ASZ1: variants seen among roughly 807,000 people sequenced by gnomAD.
ASZ1 encodes ankyrin repeat, SAM and basic leucine zipper domain containing 1, also known as ankyrin repeat, SAM and basic leucine zipper domain-containing protein 1.
ASZ1 carries 67 observed loss-of-function variants against 61.8 expected under a neutral mutation model. That is an observed-to-expected ratio of 1.08 (90% CI 0.89 to 1.33). ASZ1 has a LOEUF of 1.33. Ranked by LOEUF, ASZ1 falls within the 40% of genes most tolerant of loss-of-function variation. The probability of loss-of-function intolerance (pLI) is 0.00; values close to 1 mark genes in which losing one functional copy is unlikely to be tolerated. For synonymous variants in ASZ1, 193 were observed against 192.7 expected (o/e 1.00, Z -0.01); for missense variants, 577 against 554.5 (o/e 1.04, Z -0.41).
chr7:117,400,722 AG>A (rs1333497612), intron 4 of ASZ1, among the ~76,000 whole-genome samples: 2 of 152,234 alleles, frequency 1.3e-5, no homozygotes, highest in Non-Finnish European at 2.9e-5. Flanking sequence ...AGCTAAAACT[AG>A]ATGCTAAGAG....
In ASZ1 at chr7:117,427,447, G is replaced by C. The variant is rs776130320; in HGVS notation, c.14C>G (p.Ala5Gly). MAAS[A>G]LRGLPVAGGG... ...GCCAGCCACTGGCAGGCCTCGCAGC[G>C]CGCTCGCCGCCATGCCAGCCAAGGA... The change falls in exon 1 of 13, where the codon GCG becomes GGG. Residue 5 changes from alanine (A) to glycine (G), a missense_variant. Physicochemically the swap from Ala to Gly is moderately conservative, Grantham distance 60. Transcript: ENST00000284629. 6.0e-5 allele frequency: 97 copies of C among 1,613,658 alleles called. 2 individuals carry two copies. The South Asian group carries it at 1.0e-3, about 17-fold the overall frequency.
At position 117,383,186 on chromosome 7, in the gene ASZ1, C is replaced by T. The variant is rs113559872; in HGVS notation, c.688-76G>A. On this transcript the variant is annotated intron_variant, in intron 6 of 12. Coordinates refer to ENST00000284629, the MANE Select transcript of ASZ1 (RefSeq NM_130768.3). ...TTACACTTAAAAGAAACTGAACATACGATTATCTCATATCCAGAAAGGAAA... is the reference window on the plus strand; with the variant it reads ...TTACACTTAAAAGAAACTGAACATATGATTATCTCATATCCAGAAAGGAAA... 2.7e-4 allele frequency: 365 copies of T among 1,333,988 alleles called. No homozygotes were observed. In the African/African-American group the frequency reaches 3.5e-3, roughly 13 times the overall value. 82.6% of individuals were successfully genotyped at this position (1,333,988 alleles called of 1,614,324 possible).
intron 2 of ASZ1, 21 bp downstream of exon 2, chr7:117,426,815 A>C: frequency 6.4e-7 from 1 of 1,574,748 alleles, no homozygotes; most frequent in Non-Finnish European, 8.6e-7. Flanking sequence ...TGTTCAGATG[A>C]AACTGTCCCT....
intron 10 of ASZ1, among the ~76,000 whole-genome samples, chr7:117,379,436 T>G (rs1336412563): frequency 8.6e-5 from 13 of 151,638 alleles, no homozygotes; most frequent in Admixed American, 6.6e-5. Context: ...ATTTTCAAAA[T>G]AGATTTGGGA....
At chr7:117,390,889 A>G (rs1336287838) in intron 4 of ASZ1, among the ~76,000 whole-genome samples, 2 of 151,920 alleles carry the variant, frequency 1.3e-5, no homozygotes, top group African/African-American at 4.8e-5. Context: ...TTTTTAGTAG[A>G]CACTGGGTTT....
chr7:117,409,671 A>C (rs1796855817), intron 4 of ASZ1, among the ~76,000 whole-genome samples: 1 of 151,848 alleles, frequency 6.6e-6, no homozygotes, highest in Non-Finnish European at 1.5e-5. Flanking sequence ...GGATGCATAA[A>C]ATTTAGCAAA....
chr7:117,387,059 G>T (rs1326518343), intron 4 of ASZ1, among the ~76,000 whole-genome samples: 1 of 151,432 alleles, frequency 6.6e-6, no homozygotes, highest in Non-Finnish European at 1.5e-5. Flanking sequence ...TTACCACTTG[G>T]GGGGCTAAGG....
intron 4 of ASZ1, among the ~76,000 whole-genome samples, chr7:117,401,240 A>G (rs906821483): frequency 7.2e-5 from 11 of 152,182 alleles, no homozygotes; most frequent in African/African-American, 2.4e-4. Flanking sequence ...GAGAGGAGAG[A>G]GAATGAAGAA....
chr7:117,403,890 G>A (rs1316994147), intron 4 of ASZ1, among the ~76,000 whole-genome samples: 2 of 152,162 alleles, frequency 1.3e-5, no homozygotes, highest in African/African-American at 4.8e-5. Flanking sequence ...GGTGGCATTA[G>A]ATTCTCATAG....
At chr7:117,372,708 C>A (rs768350979) in intron 10 of ASZ1, among the ~76,000 whole-genome samples, 5 of 152,200 alleles carry the variant, frequency 3.3e-5, no homozygotes, top group Non-Finnish European at 4.4e-5. Context: ...AGATTAAAAT[C>A]ATCAACAATC....
chr7:117,385,058 T>C (rs905386640), intron 5 of ASZ1, among the ~76,000 whole-genome samples, 198 bp from the exon 6 acceptor site: 10 of 152,196 alleles, frequency 6.6e-5, no homozygotes. Flanking sequence ...GCAAAGCTCA[T>C]TGATTTTTTA....
chr7:117,378,167 G>A (rs916997598), intron 10 of ASZ1, among the ~76,000 whole-genome samples: 4 of 151,992 alleles, frequency 2.6e-5, no homozygotes. Context: ...CAAAAGTACT[G>A]TTCTGTAAAG....
At chr7:117,367,775 T>C in intron 11 of ASZ1, 2 of 956,818 alleles carry the variant, frequency 2.1e-6, no homozygotes, top group Non-Finnish European at 2.5e-6. Context: ...TATTAATTGA[T>C]GTTATATAAA....
intron 12 of ASZ1, among the ~76,000 whole-genome samples, chr7:117,366,617 A>G (rs537648487): frequency 3.7e-4 from 56 of 151,898 alleles, no homozygotes; most frequent in Non-Finnish European, 3.7e-4. Context: ...TTTTTTTTAA[A>G]GTGGAAAAAT....
At chr7:117,409,854 T>G (rs941498411) in intron 4 of ASZ1, among the ~76,000 whole-genome samples, 6 of 151,726 alleles carry the variant, frequency 4.0e-5, no homozygotes, top group Non-Finnish European at 1.5e-5. Context: ...ACCTAGAAAA[T>G]GCATGTTTAA....
chr7:117,392,401 T>G (rs892666066), intron 4 of ASZ1, among the ~76,000 whole-genome samples: 12 of 152,202 alleles, frequency 7.9e-5, no homozygotes, highest in African/African-American at 2.9e-4. Flanking sequence ...ATCTTTTACC[T>G]TCTTGGTTAG....
chr7:117,423,573 C>T (rs7804650), intron 2 of ASZ1, among the ~76,000 whole-genome samples: 40 of 151,012 alleles, frequency 2.6e-4, no homozygotes, highest in Non-Finnish European at 4.9e-4. Flanking sequence ...AGGCCAGGCA[C>T]GGTGGCTCAT....
chr7:117,386,555 G>A (rs1186449192), intron 4 of ASZ1, among the ~76,000 whole-genome samples: 1 of 152,084 alleles, frequency 6.6e-6, no homozygotes, highest in African/African-American at 2.4e-5. Context: ...TAACATCATG[G>A]TCTGTTTTAA....
intron 8 of ASZ1, among the ~76,000 whole-genome samples, chr7:117,381,723 T>A (rs1476560882): frequency 6.6e-6 from 1 of 152,034 alleles, no homozygotes; most frequent in East Asian, 1.9e-4. Context: ...TGATTAAACA[T>A]TAGAGCAAGA....
Sources: gnomAD v4.1 joint callset for allele counts (sites outside exome capture counted in the v4.1 genomes callset) on GRCh38, gnomAD v4.1.1 for gene constraint, MANE v1.5 for transcripts, NCBI Gene and HGNC (gene_info 2026-07-23, HGNC 2026-07-21) for gene names.